Variants in LRTM1 observed in about 807,000 individuals in gnomAD.
The protein encoded by LRTM1 is leucine-rich repeat and transmembrane domain-containing protein 1.
A neutral mutation model predicts 32.4 loss-of-function variants in LRTM1; 38 were observed. That is an observed-to-expected ratio of 1.17 (90% CI 0.91 to 1.54). LRTM1 has a LOEUF of 1.54. LRTM1 is among the 40% of genes most tolerant of loss of function. The probability of loss-of-function intolerance (pLI) is 0.00; values close to 1 mark genes in which losing one functional copy is unlikely to be tolerated. For synonymous variants in LRTM1, 186 were observed against 169.9 expected, an observed-to-expected ratio of 1.09 and a Z score of -0.74; for missense variants, 466 against 415.4, an observed-to-expected ratio of 1.12 and a Z score of -1.06.
intron 1 of LRTM1, among the ~76,000 whole-genome samples, chr3:54,937,360 G>A (rs1559637254): frequency 6.6e-6 from 1 of 152,314 alleles, no homozygotes; most frequent in Admixed American, 6.5e-5. Flanking sequence ...TGCAAATACA[G>A]TTGTCCCTCG....
Position 54,918,878 on chromosome 3 carries a change from C to T in LRTM1, c.619G>A (p.Gly207Ser), listed in dbSNP as rs763454373. The T allele has an allele frequency of 6.5e-6, 10 of 1,542,192 alleles. No homozygotes were observed. The highest frequency in any genetic ancestry group is 4.0e-5 in the Admixed American group (2 of 50,012). Residue 207 changes from glycine to serine, a missense_variant, in exon 3 of 3, where the codon GGC becomes AGC. Physicochemically the swap from Gly to Ser is moderately conservative, Grantham distance 56 (BLOSUM62 0). Transcript: ENST00000273286. The part of the protein sequence containing the change: ...KFVYKGGLTD[G>S]IICESPDTWK... ...GTGTCTGGTGATTCACAGATGATGC[C>T]GTCTGTTAGTCCCCCTTTAAAAAAC...
intron 1 of LRTM1, among the ~76,000 whole-genome samples, chr3:54,949,686 A>G (rs1341778404): frequency 1.3e-5 from 2 of 152,192 alleles, no homozygotes; most frequent in Non-Finnish European, 2.9e-5. Context: ...ACCGCCCAAC[A>G]TCGTTGGTCA....
intron 1 of LRTM1, among the ~76,000 whole-genome samples, chr3:54,940,983 G>A (rs1701451674): frequency 6.6e-6 from 1 of 152,138 alleles, no homozygotes; most frequent in South Asian, 2.1e-4. Flanking sequence ...TTATTTCATA[G>A]ATTTAAAACC....
upstream of LRTM1, among the ~76,000 whole-genome samples, chr3:54,928,630 A>G (rs929182162): frequency 6.6e-6 from 1 of 152,174 alleles, no homozygotes; most frequent in Admixed American, 6.5e-5. Context: ...TTTAGTGGAC[A>G]TCACAACCTT....
chr3:54,960,517 A>T (rs79678656), intron 1 of LRTM1, among the ~76,000 whole-genome samples: 1 of 152,178 alleles, frequency 6.6e-6, no homozygotes, highest in Non-Finnish European at 1.5e-5. Flanking sequence ...ATAATACCAT[A>T]GCTTGGAGAT....
At chr3:54,950,794 C>T (rs576925754) in intron 1 of LRTM1, among the ~76,000 whole-genome samples, 3 of 152,064 alleles carry the variant, frequency 2.0e-5, no homozygotes, top group Admixed American at 6.6e-5. Flanking sequence ...CCAAAATAAA[C>T]GGGAAGGGAC....
chr3:54,955,611 G>A, intron 1 of LRTM1, among the ~76,000 whole-genome samples: 1 of 152,172 alleles, frequency 6.6e-6, no homozygotes. Flanking sequence ...CAAAGCTCCA[G>A]TCTTTGGGAT....
In LRTM1 at chr3:54,927,962, T is replaced by C. The variant is rs745724659; in HGVS notation, c.-51A>G. 8.2e-6 allele frequency: 13 copies of C among 1,588,756 alleles called. 1 individual carries two copies. The South Asian group carries it at 9.9e-5, about 12-fold the overall frequency. ...CTGACCTCGTAGACCCTTTAATTAA[T>C]GTGCAGAGCAACACACGAAGGGCAT... On this transcript the variant is annotated 5_prime_UTR_variant, in exon 1 of 3. Coordinates refer to ENST00000273286, the MANE Select transcript of LRTM1 (RefSeq NM_020678.4).
At chr3:54,929,159 C>T (rs917873045), upstream of LRTM1, among the ~76,000 whole-genome samples, 2 of 152,144 alleles carry the variant, frequency 1.3e-5, no homozygotes, top group Admixed American at 6.5e-5. Context: ...TCACCAGCTG[C>T]GTGTCTCCAG....
intron 1 of LRTM1, among the ~76,000 whole-genome samples, chr3:54,965,920 G>A (rs1424831517): frequency 6.6e-6 from 1 of 152,160 alleles, no homozygotes; most frequent in Non-Finnish European, 1.5e-5. Flanking sequence ...GATGCAGCCT[G>A]CTGGAGGGAG....
intron 1 of LRTM1, among the ~76,000 whole-genome samples, chr3:54,962,060 T>TCCATTAAC (rs1176997985): frequency 2.6e-5 from 4 of 151,772 alleles, no homozygotes; most frequent in South Asian, 4.2e-4. Flanking sequence ...AACTCATTAA[T>TCCATTAAC]CCATTAACCC....
intron 2 of LRTM1, among the ~76,000 whole-genome samples, chr3:54,923,620 C>T (rs1490593496): frequency 2.0e-5 from 3 of 152,214 alleles, no homozygotes; most frequent in Non-Finnish European, 4.4e-5. Flanking sequence ...TTAGGCACTG[C>T]CATCTTCTCA....
chr3:54,924,570 C>G (rs776978381), intron 2 of LRTM1, 49 bp downstream of exon 2: 6 of 1,437,390 alleles, frequency 4.2e-6, no homozygotes, highest in Non-Finnish European at 5.8e-6. Context: ...TGAGATTCAT[C>G]CTAGGCTGGT....
chr3:54,932,422 G>C (rs1043190524), upstream of LRTM1, among the ~76,000 whole-genome samples: 6 of 152,148 alleles, frequency 3.9e-5, no homozygotes, highest in African/African-American at 1.4e-4. Context: ...TGATTACTTG[G>C]AGGGGAGACT....
intron 1 of LRTM1, among the ~76,000 whole-genome samples, chr3:54,958,416 G>A (rs1445193764): frequency 6.6e-6 from 1 of 152,000 alleles, no homozygotes; most frequent in African/African-American, 2.4e-5. Context: ...AGTATTTTTA[G>A]GTCAAAGTCA....
chr3:54,965,339 A>C (rs1029654949), intron 1 of LRTM1, among the ~76,000 whole-genome samples: 2 of 152,162 alleles, frequency 1.3e-5, no homozygotes, highest in African/African-American at 4.8e-5. Context: ...TCAAGCCTCC[A>C]AACAAATGAT....
intron 2 of LRTM1, among the ~76,000 whole-genome samples, chr3:54,921,883 A>G (rs1287225040): frequency 1.3e-5 from 2 of 150,420 alleles, no homozygotes; most frequent in African/African-American, 2.4e-5. Flanking sequence ...CTGCCCTAAT[A>G]CCTGTAGTGT....
intron 1 of LRTM1, 53 bp downstream of exon 1, chr3:54,927,852 A>T: frequency 6.3e-7 from 1 of 1,597,002 alleles, no homozygotes; most frequent in Non-Finnish European, 8.6e-7. Flanking sequence ...GTGAGGGGAT[A>T]CCATCTTTCT....
chr3:54,958,246 G>A (rs114876180), intron 1 of LRTM1, among the ~76,000 whole-genome samples: 1,783 of 152,298 alleles, frequency 0.012, 28 homozygotes, highest in African/African-American at 0.04. Context: ...TCCATGTATC[G>A]GATGGGTGTG....
Sources: allele counts gnomAD v4.1 joint callset (sites outside exome capture counted in the v4.1 genomes callset), GRCh38; gene constraint gnomAD v4.1.1; transcripts MANE v1.5; gene names NCBI Gene and HGNC (gene_info 2026-07-23, HGNC 2026-07-21).